Variants in SMAP2 observed in about 807,000 individuals in gnomAD.
SMAP2 encodes stromal membrane-associated protein 2.
Under a neutral mutation model 56.4 loss-of-function variants are expected in SMAP2, and 25 were observed. The observed-to-expected ratio is 0.44, with a 90% CI of 0.32 to 0.62. The LOEUF (loss-of-function observed/expected upper bound fraction) is 0.62, where lower values mean the gene tolerates loss of function less well. Ranked by LOEUF, SMAP2 falls within the 20% of genes least tolerant of loss-of-function variation. The pLI is 0.04. For missense variants in SMAP2, 388 were observed against 545.6 expected (o/e 0.71, Z 2.88); for synonymous variants, 157 against 181.7 (o/e 0.86, Z 1.09).
chr1:40,360,306 T>C (rs962831865), intron 1 of SMAP2, among the ~76,000 whole-genome samples: 1 of 118,318 alleles, frequency 8.5e-6, no homozygotes, highest in Non-Finnish European at 1.8e-5. Flanking sequence ...GTGCCTGAGC[T>C]TTTTTTTTTT....
At chr1:40,360,548 C>A (rs900187425) in intron 1 of SMAP2, among the ~76,000 whole-genome samples, 1 of 152,176 alleles carries the variant, frequency 6.6e-6, no homozygotes, top group African/African-American at 2.4e-5. Flanking sequence ...GGTCATCCAC[C>A]TGCCTCGGCC....
At chr1:40,354,179 G>T (rs1644422356) in intron 1 of SMAP2, among the ~76,000 whole-genome samples, 1 of 152,078 alleles carries the variant, frequency 6.6e-6, no homozygotes. Flanking sequence ...CAGAGAGCTG[G>T]ACTCTGTAGG....
intron 1 of SMAP2, among the ~76,000 whole-genome samples, chr1:40,345,868 A>ATTATATTG (rs1557818634): frequency 1.3e-4 from 15 of 113,320 alleles, no homozygotes; most frequent in African/African-American, 5.3e-4. Flanking sequence ...ATATTATATT[A>ATTATATTG]TATTGTATTA....
intron 2 of SMAP2, among the ~76,000 whole-genome samples, chr1:40,407,868 C>T (rs1053943625): frequency 2.6e-5 from 4 of 152,132 alleles, no homozygotes; most frequent in African/African-American, 7.2e-5. Flanking sequence ...TGGAGTGAGA[C>T]TCCTAAGTTA....
intron 1 of SMAP2, chr1:40,393,353 G>A: frequency 3.3e-6 from 5 of 1,533,084 alleles, no homozygotes; most frequent in Non-Finnish European, 4.4e-6. Flanking sequence ...CCACAAATGA[G>A]TGAGTGCAGC....
intron 1 of SMAP2, among the ~76,000 whole-genome samples, chr1:40,392,454 A>G (rs1210466282): frequency 7.9e-5 from 12 of 152,172 alleles, no homozygotes; most frequent in Admixed American, 7.8e-4. Flanking sequence ...AAGCCAAACA[A>G]TTGTTTGTAC....
chr1:40,417,442 A>G (rs949644210), intron 9 of SMAP2, among the ~76,000 whole-genome samples: 1 of 152,196 alleles, frequency 6.6e-6, no homozygotes, highest in South Asian at 2.1e-4. Flanking sequence ...GCAAGGTTCA[A>G]ATGGCATGGC....
chr1:40,379,555 CTTTTTTTT>C (rs35398664), intron 1 of SMAP2, among the ~76,000 whole-genome samples: 3 of 78,124 alleles, frequency 3.8e-5, no homozygotes, highest in Admixed American at 2.9e-4. Context: ...TGTTGTCTCT[CTTTTTTTT>C]TTTTTTTTTT....
Position 40,397,682 on chromosome 1 carries a change from TTGCCTTCCAG to T in SMAP2, c.104-9053_104-9044del, listed in dbSNP as rs1213902648. 3.7e-3 allele frequency among the ~76,000 whole-genome samples: 564 copies of T among 152,302 alleles called. 1 individual carries two copies. The highest frequency in any genetic ancestry group is 0.013 in the African/African-American group (547 of 41,554). ...GATAAATGATGAAGGAACATGGTCA[TTGCCTTCCAG>T]AGCTCATAGTCTATTTAGGACAAGA... On this transcript the variant is annotated intron_variant, in intron 1 of 9. Coordinates refer to ENST00000372718, the MANE Select transcript of SMAP2 (RefSeq NM_022733.3).
At chr1:40,410,559 C>A (rs1644925479) in intron 4 of SMAP2, among the ~76,000 whole-genome samples, 1 of 151,984 alleles carries the variant, frequency 6.6e-6, no homozygotes, top group Non-Finnish European at 1.5e-5. Flanking sequence ...TTCAGTTTGA[C>A]CAATGTATAT....
At position 40,414,174 on chromosome 1, in the gene SMAP2, G is replaced by C. The variant is rs1367192813; in HGVS notation, c.505G>C (p.Asp169His). 1 of 1,614,120 alleles carries C rather than the reference G, an allele frequency of 6.2e-7. No individual in the cohort carries two copies. Among genetic ancestry groups the C allele is most frequent in the South Asian group, 1.1e-5 (1 of 91,082 alleles). ...EKVKMPQKKEDPQLPRKSSPK... is the reference protein window; with the variant it reads ...EKVKMPQKKEHPQLPRKSSPK... ...TTCACCTTAGCCACAGAAAAAAGAA[G>C]ACCCACAGCTACCTCGGAAAAGCTC... The change falls in exon 6 of 10, where the codon GAC becomes CAC. Residue 169 changes from aspartate (D) to histidine (H), a missense_variant. Asp to His is a moderately conservative substitution (Grantham distance 81, BLOSUM62 -1). Coordinates refer to ENST00000372718, the MANE Select transcript of SMAP2 (RefSeq NM_022733.3).
intron 9 of SMAP2, 132 bp downstream of exon 9, chr1:40,417,228 CTTT>C (rs34036744): frequency 0.015 from 6,120 of 420,740 alleles, no homozygotes; most frequent in Non-Finnish European, 0.016. Context: ...GTTAGGTTTG[CTTT>C]TTTTTTTTTT....
chr1:40,387,723 G>A (rs1181254809), intron 1 of SMAP2, among the ~76,000 whole-genome samples: 1 of 152,170 alleles, frequency 6.6e-6, no homozygotes, highest in African/African-American at 2.4e-5. Context: ...CGCTCTCGGT[G>A]CCTCCTCGGC....
At chr1:40,421,502 T>G (rs1645041866) in intron 9 of SMAP2, among the ~76,000 whole-genome samples, 1 of 151,762 alleles carries the variant, frequency 6.6e-6, no homozygotes, top group African/African-American at 2.4e-5. Flanking sequence ...ACAGTCCAGT[T>G]CCTTTTTTTC....
At chr1:40,413,430 TC>T (rs1644957209) in intron 5 of SMAP2, among the ~76,000 whole-genome samples, 1 of 152,230 alleles carries the variant, frequency 6.6e-6, no homozygotes, top group African/African-American at 2.4e-5. Context: ...TTAGTCCTTC[TC>T]TTGTTAGACC....
chr1:40,367,995 A>G (rs1211235682), intron 2 of SMAP2, among the ~76,000 whole-genome samples: 2 of 143,784 alleles, frequency 1.4e-5, no homozygotes, highest in East Asian at 4.2e-4. Context: ...AATCAAATAG[A>G]CACAATAAAA....
rs1644905234 is a variant in SMAP2 at position 40,408,366 on chromosome 1, T to A, written c.238-287T>A. The stretch of plus-strand genomic sequence containing the variant: ...ATTGGTAGCTGTGTATCTAAGAGTT[T>A]CAAATGAGATCTTGATTTATTACTG... On this transcript the variant is annotated intron_variant, in intron 2 of 9. Transcript: ENST00000372718. The surrounding 1 kb of genome is among the most constrained non-coding windows in gnomAD (Gnocchi z 4.3). 6.6e-6 allele frequency among the ~76,000 whole-genome samples: 1 copy of A among 152,218 alleles called. No individual in the cohort carries two copies. Among genetic ancestry groups the A allele is most frequent in the Admixed American group, 6.5e-5 (1 of 15,272 alleles).
chr1:40,372,674 G>A (rs1644504363), upstream of SMAP2, among the ~76,000 whole-genome samples: 1 of 152,188 alleles, frequency 6.6e-6, no homozygotes, highest in African/African-American at 2.4e-5. Context: ...AGGGGATCCT[G>A]GTCTTGGGAG....
chr1:40,387,572 G>T (rs528327269), intron 1 of SMAP2, among the ~76,000 whole-genome samples: 1 of 152,024 alleles, frequency 6.6e-6, no homozygotes, highest in South Asian at 2.1e-4. Context: ...GGGAATTCGG[G>T]AGAACCCTGG....
Sources: allele counts gnomAD v4.1 joint callset (sites outside exome capture counted in the v4.1 genomes callset), GRCh38; gene constraint gnomAD v4.1.1; non-coding constraint Gnocchi (gnomAD v3.1); transcripts MANE v1.5; gene names NCBI Gene and HGNC (gene_info 2026-07-23, HGNC 2026-07-21).